Variants in ATAD2B observed in about 807,000 individuals in gnomAD.
The protein encoded by ATAD2B is ATPase family AAA domain-containing protein 2B.
In ATAD2B, 40 loss-of-function variants were observed where a neutral mutation model predicts 167.6. That is an observed-to-expected ratio of 0.24 (90% CI 0.19 to 0.31). The LOEUF is 0.31. ATAD2B is among the 10% of genes least tolerant of loss of function. ATAD2B has a pLI of 1.00. For missense variants in ATAD2B, 1,242 were observed against 1,757.2 expected (o/e 0.71, Z 5.24); for synonymous variants, 579 against 596.5 (o/e 0.97, Z 0.43).
chr2:23,882,575 A>G (rs868861014), intron 6 of ATAD2B, among the ~76,000 whole-genome samples: 1 of 150,860 alleles, frequency 6.6e-6, no homozygotes, highest in Non-Finnish European at 1.5e-5. Context: ...TTGGGAGGCC[A>G]AGGTGGGAGG....
intron 1 of ATAD2B, among the ~76,000 whole-genome samples, chr2:23,902,445 T>G (rs1700957506): frequency 6.6e-6 from 1 of 152,194 alleles, no homozygotes; most frequent in African/African-American, 2.4e-5. Context: ...TTGGGAAAGC[T>G]TCTACCTACA....
intron 13 of ATAD2B, among the ~76,000 whole-genome samples, chr2:23,845,687 C>A (rs968770807): frequency 2.7e-5 from 4 of 149,104 alleles, no homozygotes; most frequent in African/African-American, 7.5e-5. Flanking sequence ...TCAAGCAATC[C>A]TCCCACCTCA....
At chr2:23,737,419 T>C in the ATAD2B span, among the ~76,000 whole-genome samples, 2 of 152,222 alleles carry the variant, frequency 1.3e-5, no homozygotes, top group Admixed American at 1.3e-4. Context: ...CCACCGCTGC[T>C]GACACCAAGG....
At chr2:23,798,021 C>T in intron 19 of ATAD2B, 117 bp downstream of exon 19, 2 of 674,866 alleles carry the variant, frequency 3.0e-6, no homozygotes, top group Non-Finnish European at 2.3e-6. Flanking sequence ...GCAGTTACAC[C>T]CAGGATATAA....
the ATAD2B span, among the ~76,000 whole-genome samples, chr2:23,711,701 T>C: frequency 6.6e-6 from 1 of 152,116 alleles, no homozygotes; most frequent in Non-Finnish European, 1.5e-5. Context: ...TGAGATTCTC[T>C]TTTGTGAAGA....
intron 18 of ATAD2B, among the ~76,000 whole-genome samples, chr2:23,805,641 G>A (rs1017482654): frequency 4.2e-4 from 64 of 152,130 alleles, no homozygotes; most frequent in African/African-American, 1.5e-3. Flanking sequence ...AAAGGTATAT[G>A]TATTTGAAAT....
chr2:23,828,959 T>C lies in ATAD2B; in HGVS notation c.1729-20A>G. ...TCTTGCCTAAGATGAAAAGCACAGATACATAAAATCTTGCCCAAGAAGAAA... is the reference window on the plus strand; with the variant it reads ...TCTTGCCTAAGATGAAAAGCACAGACACATAAAATCTTGCCCAAGAAGAAA... On this transcript the variant is annotated intron_variant, in intron 14 of 27. Coordinates refer to ENST00000238789, the MANE Select transcript of ATAD2B (RefSeq NM_017552.4). The C allele has an allele frequency of 2.0e-6, 3 of 1,508,134 alleles. No homozygotes were observed. The highest frequency in any genetic ancestry group is 2.8e-6 in the Non-Finnish European group (3 of 1,090,078). 93.4% of individuals were successfully genotyped at this position (1,508,134 alleles called of 1,614,324 possible).
At position 23,874,932 on chromosome 2, in the gene ATAD2B, T is replaced by G. The variant is rs934316511; in HGVS notation, c.977+897A>C. ...ATAGCCAGGTGTGGTGGCGAATGCC[T>G]GTACTCCCAGCTACTCGGAAGGCTG... On this transcript the variant is annotated intron_variant, in intron 8 of 27. Coordinates refer to ENST00000238789, the MANE Select transcript of ATAD2B (RefSeq NM_017552.4). Among the ~76,000 whole-genome samples, 3 of 151,630 alleles carry G rather than the reference T, an allele frequency of 2.0e-5. No individual in the cohort carries two copies. The East Asian group carries it at 5.9e-4, about 30-fold the overall frequency.
intron 22 of ATAD2B, among the ~76,000 whole-genome samples, chr2:23,773,653 T>C (rs1012555518): frequency 1.3e-5 from 2 of 152,216 alleles, no homozygotes; most frequent in African/African-American, 4.8e-5. Flanking sequence ...AACTATATAT[T>C]TATGAGTTTT....
intron 17 of ATAD2B, among the ~76,000 whole-genome samples, chr2:23,815,577 CATTA>C (rs1558585557): frequency 6.6e-6 from 1 of 151,964 alleles, no homozygotes; most frequent in Non-Finnish European, 1.5e-5. Context: ...AAATGGTAGT[CATTA>C]ACACAGAGAT....
intron 13 of ATAD2B, among the ~76,000 whole-genome samples, chr2:23,853,346 A>G (rs1179794942): frequency 6.6e-6 from 1 of 152,250 alleles, no homozygotes; most frequent in Non-Finnish European, 1.5e-5. Flanking sequence ...AAAATAGCTA[A>G]TAGAACTAAC....
At chr2:23,710,463 A>G in the ATAD2B span, among the ~76,000 whole-genome samples, 4 of 152,228 alleles carry the variant, frequency 2.6e-5, no homozygotes, top group Non-Finnish European at 5.9e-5. Context: ...GAACCCCGTG[A>G]GCAGTGAAGG....
At chr2:23,925,169 C>T (rs1038570800) in intron 1 of ATAD2B, among the ~76,000 whole-genome samples, 2 of 152,192 alleles carry the variant, frequency 1.3e-5, no homozygotes, top group African/African-American at 4.8e-5. Context: ...CCGAAAGCCT[C>T]GTCTTCAAAG....
At chr2:23,865,902 T>G in intron 10 of ATAD2B, 3 of 769,650 alleles carry the variant, frequency 3.9e-6, no homozygotes, top group Non-Finnish European at 4.7e-6. Context: ...AGACAAAAAA[T>G]GCTTTAAGAA....
chr2:23,738,817 G>A, the ATAD2B span, among the ~76,000 whole-genome samples: 1 of 152,132 alleles, frequency 6.6e-6, no homozygotes, highest in African/African-American at 2.4e-5. Flanking sequence ...CTCACGTGCA[G>A]AGACACACAT....
chr2:23,759,455 TC>T (rs757673690), intron 24 of ATAD2B, among the ~76,000 whole-genome samples: 2 of 152,204 alleles, frequency 1.3e-5, no homozygotes, highest in Non-Finnish European at 2.9e-5. Context: ...GAATTTAGAA[TC>T]TATCAACAGT....
intron 11 of ATAD2B, 38 bp downstream of exon 11, chr2:23,864,771 C>A: frequency 2.2e-6 from 2 of 923,826 alleles, no homozygotes; most frequent in Admixed American, 2.8e-5. Flanking sequence ...GAGAAAGTAA[C>A]AGTAATAACA....
chr2:23,802,754 G>A (rs1683701512), intron 18 of ATAD2B, among the ~76,000 whole-genome samples: 1 of 151,836 alleles, frequency 6.6e-6, no homozygotes, highest in East Asian at 1.9e-4. Flanking sequence ...AAATCTATAA[G>A]CACAAACACA....
Position 23,762,356 on chromosome 2 carries a change from G to C in ATAD2B, c.3257-10C>G. ...GATGTTACTGATAAGCCTGCAAGCA[G>C]AAGATAAGCAATACCTCTTTAAATA... is the stretch of plus-strand genomic sequence containing the variant. On this transcript the variant is annotated splice_polypyrimidine_tract_variant and intron_variant, in intron 23 of 27. Coordinates refer to ENST00000238789, the MANE Select transcript of ATAD2B (RefSeq NM_017552.4). 6.2e-7 allele frequency: 1 copy of C among 1,608,986 alleles called. No individual in the cohort carries two copies. Among genetic ancestry groups the C allele is most frequent in the Non-Finnish European group, 8.5e-7 (1 of 1,177,968 alleles).
Sources: gnomAD v4.1 joint callset for allele counts (sites outside exome capture counted in the v4.1 genomes callset) on GRCh38, gnomAD v4.1.1 for gene constraint, MANE v1.5 for transcripts, NCBI Gene and HGNC (gene_info 2026-07-23, HGNC 2026-07-21) for gene names.